NCOA6: variants seen among roughly 807,000 people sequenced by gnomAD.
NCOA6 encodes the protein NRC RAP250.
Under a neutral mutation model 171.4 loss-of-function variants are expected in NCOA6, and 49 were observed. The ratio of observed to expected loss-of-function variants is 0.29; its 90% CI spans 0.23 to 0.36. The LOEUF is 0.36. Among genes scored for constraint, NCOA6 ranks in the 10% least tolerant of loss-of-function variants. The pLI is 1.00. For missense variants in NCOA6, 2,248 were observed against 2,554.5 expected, an observed-to-expected ratio of 0.88 and a Z score of 2.59; for synonymous variants, 910 against 927.5, an observed-to-expected ratio of 0.98 and a Z score of 0.34.
chr20:34,759,500 G>T, intron 5 of NCOA6, among the ~76,000 whole-genome samples: 1 of 151,998 alleles, frequency 6.6e-6, no homozygotes, highest in Admixed American at 6.6e-5. Flanking sequence ...CTTGTTTATT[G>T]ACCTTTTCTG....
intron 1 of NCOA6, among the ~76,000 whole-genome samples, chr20:34,815,772 T>C (rs2078816283): frequency 6.6e-6 from 1 of 152,114 alleles, no homozygotes; most frequent in Non-Finnish European, 1.5e-5. Context: ...GAGAGATTTC[T>C]TTATTGTGCT....
chr20:34,782,135 T>C lies in NCOA6; in HGVS notation c.221A>G (p.Asn74Ser). ...KLDAILKNVP[N>S]LLHMESSKLK... ...AAGCAAATTACCCATGTGTAACAAA[T>C]TGGGCACGTTTTTCAATATTGCATC... is the stretch of plus-strand genomic sequence containing the variant. Residue 74 changes from asparagine (N) to serine (S), a missense_variant, in exon 3 of 15, where the codon AAT (asparagine) becomes AGT (serine). Physicochemically the swap from Asn to Ser is conservative, Grantham distance 46 (BLOSUM62 1). This residue lies in a region of NCOA6 where 987 missense variants were observed against 1,104.7 expected (regional missense o/e 0.89). Transcript: ENST00000359003. 6.3e-7 allele frequency: 1 copy of C among 1,593,072 alleles called. No individual in the cohort carries two copies. The highest frequency in any genetic ancestry group is 1.3e-5 in the African/African-American group (1 of 74,404).
intron 4 of NCOA6, among the ~76,000 whole-genome samples, chr20:34,775,770 T>C (rs1263041720): frequency 6.7e-6 from 1 of 149,764 alleles, no homozygotes; most frequent in Non-Finnish European, 1.5e-5. Context: ...GTTAGACGAA[T>C]AAAGAAAATA....
chr20:34,734,656 TTC>T (rs2145436122), intron 12 of NCOA6, among the ~76,000 whole-genome samples: 1 of 152,202 alleles, frequency 6.6e-6, no homozygotes, highest in East Asian at 1.9e-4. Flanking sequence ...TAGTTTGCTC[TTC>T]TTTTTTTTTT....
rs1331166397 is a variant in NCOA6, at chr20:34,757,431, G to A, written c.1317C>T (p.Ser439=). The change falls in exon 7 of 15, where the codon TCC becomes TCT. Residue 439 remains serine, a synonymous_variant. Transcript: ENST00000359003. ...ASSPSSFQQG[S]PASSPTVNQT... is the part of the protein sequence containing the mutation. The stretch of plus-strand genomic sequence containing the variant: ...GGTTAACCGTTGGGGAGGATGCAGG[G>A]GATCCCTGCTGGAAGGAGGAGGGTG... 8.1e-6 allele frequency: 13 copies of A among 1,613,692 alleles called. No homozygotes were observed. The highest frequency in any genetic ancestry group is 1.3e-5 in the African/African-American group (1 of 74,906).
chr20:34,726,683 G>A (rs1482167967), intron 14 of NCOA6, among the ~76,000 whole-genome samples: 3 of 151,994 alleles, frequency 2.0e-5, no homozygotes, highest in African/African-American at 2.4e-5. Context: ...TACTCAGGAC[G>A]CTGAGGCAGG....
chr20:34,750,061 T>C lies in NCOA6; in HGVS notation c.2134A>G (p.Met712Val), dbSNP rs777262823. ...TGATTGGTCATAATCTGCTCTATCA[T>C]TGGGTTCTGTTGGAGCAAAACCTGC... Reference protein sequence around the residue: ...QGQVLLQQNPMIEQIMTNQMQ... With the variant: ...QGQVLLQQNPVIEQIMTNQMQ... The change falls in exon 9 of 15, where the codon ATG (methionine) becomes GTG (valine). Residue 712 changes from methionine to valine, a missense_variant. Coordinates refer to ENST00000359003, the MANE Select transcript of NCOA6 (RefSeq NM_014071.5). 2.7e-5 allele frequency: 44 copies of C among 1,614,128 alleles called. No homozygotes were observed. The South Asian group carries it at 3.8e-4, about 14-fold the overall frequency.
intron 4 of NCOA6, among the ~76,000 whole-genome samples, chr20:34,775,556 A>G (rs2077286825): frequency 6.6e-6 from 1 of 151,410 alleles, no homozygotes; most frequent in South Asian, 2.1e-4. Context: ...ATGGTAGTAC[A>G]TGCCTGTAAT....
chr20:34,749,655 G>A lies in NCOA6; in HGVS notation c.2540C>T (p.Ser847Leu), dbSNP rs1164372267. The change falls in exon 9 of 15, where the codon TCA becomes TTA. Residue 847 changes from serine (S) to leucine (L), a missense_variant. This residue lies in a region of NCOA6 where 987 missense variants were observed against 1,104.7 expected (regional missense o/e 0.89). Coordinates refer to ENST00000359003, the MANE Select transcript of NCOA6 (RefSeq NM_014071.5). ...TGCATTGAAAGACATCCCATGGCCT[G>A]AGAAGTGGTTTCCCGAGGCACTGTT... ...QGNSASGNHF[S>L]GHGMSFNAPF... is the part of the protein sequence containing the mutation. 8.7e-6 allele frequency: 14 copies of A among 1,614,224 alleles called. No homozygotes were observed. Among genetic ancestry groups the A allele is most frequent in the Non-Finnish European group, 1.1e-5 (13 of 1,180,038 alleles).
rs565396561 is a variant in NCOA6 at position 34,746,591 on chromosome 20, T to A, written c.2914+216A>T. 1.3e-4 allele frequency among the ~76,000 whole-genome samples: 20 copies of A among 152,256 alleles called. No homozygotes were observed. In the South Asian group the frequency reaches 4.1e-3, roughly 32 times the overall value. ...AGGACTTAAAATAACAAAGACAAAT[T>A]TGAATAGAATGTGTGTGTGTATGTG... On this transcript the variant is annotated intron_variant, in intron 10 of 14. Transcript: ENST00000359003.
At chr20:34,824,508 T>G (rs1369037651) in intron 1 of NCOA6, among the ~76,000 whole-genome samples, 1 of 152,214 alleles carries the variant, frequency 6.6e-6, no homozygotes, top group East Asian at 1.9e-4. Flanking sequence ...ACTCTGCTCT[T>G]AAGCTGTGGG....
intron 12 of NCOA6, among the ~76,000 whole-genome samples, chr20:34,734,255 G>C (rs1202786801): frequency 6.6e-6 from 1 of 152,086 alleles, no homozygotes; most frequent in Non-Finnish European, 1.5e-5. Flanking sequence ...GTAGAAACAG[G>C]GTTTCGCCAT....
In NCOA6 at chr20:34,792,052, T is replaced by G. The variant is rs1373348303; in HGVS notation, c.-50+398A>C. On this transcript the variant is annotated intron_variant, in intron 2 of 14. Transcript: ENST00000359003. ...AATTTTTTCTGGGCTTTAGCTCACC[T>G]CAGATCTAAATACAGCATCAAACTA... Among the ~76,000 whole-genome samples the G allele has an allele frequency of 2.6e-5, 4 of 152,202 alleles. 1 individual carries two copies. In the East Asian group the frequency reaches 7.7e-4, roughly 29 times the overall value.
chr20:34,790,543 G>C (rs1211771603), intron 2 of NCOA6, among the ~76,000 whole-genome samples: 1 of 152,018 alleles, frequency 6.6e-6, no homozygotes, highest in African/African-American at 2.4e-5. Flanking sequence ...TTTTAGTAAA[G>C]ACAGGGTTTC....
intron 13 of NCOA6, among the ~76,000 whole-genome samples, chr20:34,731,346 C>G (rs1411554898): frequency 6.6e-6 from 1 of 152,196 alleles, no homozygotes; most frequent in Non-Finnish European, 1.5e-5. Context: ...ATCTATAAAT[C>G]CCATCTTGTC....
chr20:34,815,436 G>A (rs1040112649), intron 1 of NCOA6, among the ~76,000 whole-genome samples: 1 of 151,910 alleles, frequency 6.6e-6, no homozygotes, highest in Non-Finnish European at 1.5e-5. Flanking sequence ...CATTAGCCTG[G>A]ACAGTACCCA....
chr20:34,725,674 G>T (rs1989878396), intron 14 of NCOA6, among the ~76,000 whole-genome samples: 1 of 151,408 alleles, frequency 6.6e-6, no homozygotes, highest in African/African-American at 2.5e-5. Context: ...GATAAAATGG[G>T]CAGTTTTTTG....
At chr20:34,791,292 T>C (rs1346492725) in intron 2 of NCOA6, among the ~76,000 whole-genome samples, 1 of 152,254 alleles carries the variant, frequency 6.6e-6, no homozygotes, top group African/African-American at 2.4e-5. Flanking sequence ...GTATTTTCCC[T>C]AGGTAATTTT....
intron 14 of NCOA6, among the ~76,000 whole-genome samples, chr20:34,725,677 G>GT (rs1271789052): frequency 7.0e-6 from 1 of 143,258 alleles, no homozygotes; most frequent in Non-Finnish European, 1.5e-5. Context: ...AAAATGGGCA[G>GT]TTTTTTGTGA....
Sources: gnomAD v4.1 joint callset for allele counts (sites outside exome capture counted in the v4.1 genomes callset) on GRCh38, gnomAD v4.1.1 for gene constraint, gnomAD v4.1.1 regional missense constraint, MANE v1.5 for transcripts, NCBI Gene and HGNC (gene_info 2026-07-23, HGNC 2026-07-21) for gene names.